Variants in LRMDA observed in about 807,000 individuals in gnomAD.
LRMDA encodes leucine-rich melanocyte differentiation-associated protein.
LRMDA carries 18 observed loss-of-function variants against 29.8 expected under a neutral mutation model. That is an observed-to-expected ratio of 0.60 (90% CI 0.42 to 0.90). The LOEUF (loss-of-function observed/expected upper bound fraction) is 0.90, where lower values mean the gene tolerates loss of function less well. Ranked by LOEUF, LRMDA falls within the 40% of genes least tolerant of loss-of-function variation. The pLI is 0.00. For missense variants in LRMDA, 273 were observed against 273.9 expected, an observed-to-expected ratio of 1.00 and a Z score of 0.02; for synonymous variants, 125 against 109.4, an observed-to-expected ratio of 1.14 and a Z score of -0.89.
chr10:76,442,349 T>A (rs1842312371), intron 6 of LRMDA, among the ~76,000 whole-genome samples: 1 of 152,164 alleles, frequency 6.6e-6, no homozygotes, highest in Non-Finnish European at 1.5e-5. Context: ...CTCACAACCT[T>A]GCTTCTCCTC....
At chr10:76,067,202 C>A (rs1280973746) in intron 5 of LRMDA, among the ~76,000 whole-genome samples, 1 of 152,160 alleles carries the variant, frequency 6.6e-6, no homozygotes, top group Non-Finnish European at 1.5e-5. Context: ...TACCTCAAAG[C>A]CCCTGTCCCT....
In LRMDA at chr10:76,028,724, G is replaced by C. The variant is rs184514724; in HGVS notation, c.132-7284G>C. Among the ~76,000 whole-genome samples the C allele has an allele frequency of 3.9e-5, 6 of 151,948 alleles. No individual in the cohort carries two copies. The East Asian group carries it at 1.2e-3, about 29-fold the overall frequency. On this transcript the variant is annotated intron_variant, in intron 2 of 6. Transcript: ENST00000611255. ...AGTATTCTTCAGGTACATTTTTGAA[G>C]CAGTTATGACTCTACTTCTACCTAA...
intron 6 of LRMDA, among the ~76,000 whole-genome samples, chr10:76,440,210 G>A (rs553577990): frequency 6.6e-6 from 1 of 152,338 alleles, no homozygotes; most frequent in South Asian, 2.1e-4. Flanking sequence ...CCTCTGGAAA[G>A]GTTTGGAACT....
intron 5 of LRMDA, among the ~76,000 whole-genome samples, chr10:76,303,545 C>T (rs779684246): frequency 1.3e-5 from 2 of 152,038 alleles, no homozygotes; most frequent in Admixed American, 1.3e-4. Flanking sequence ...CACACAGGCG[C>T]GCACATGAGG....
chr10:76,009,464 A>G (rs967032860), intron 2 of LRMDA, among the ~76,000 whole-genome samples: 4 of 152,234 alleles, frequency 2.6e-5, no homozygotes, highest in Non-Finnish European at 5.9e-5. Flanking sequence ...GGGCCCCTAA[A>G]AAAGAAGTGT....
intron 6 of LRMDA, among the ~76,000 whole-genome samples, chr10:76,479,659 A>G (rs1176145718): frequency 6.6e-6 from 1 of 151,954 alleles, no homozygotes; most frequent in African/African-American, 2.4e-5. Flanking sequence ...ATTTTTAACT[A>G]GCTTACTAGA....
intron 2 of LRMDA, among the ~76,000 whole-genome samples, chr10:76,002,499 A>G (rs988501508): frequency 2.0e-5 from 3 of 147,254 alleles, no homozygotes; most frequent in Non-Finnish European, 4.5e-5. Flanking sequence ...TTCAGTTCCT[A>G]CATCTGTAAA....
At chr10:75,961,093 C>G (rs547279367) in intron 2 of LRMDA, among the ~76,000 whole-genome samples, 1 of 152,260 alleles carries the variant, frequency 6.6e-6, no homozygotes, top group African/African-American at 2.4e-5. Context: ...TTGTAAATCT[C>G]TGGAACTCTC....
At chr10:75,713,674 A>C (rs770414956) in intron 2 of LRMDA, among the ~76,000 whole-genome samples, 1 of 152,236 alleles carries the variant, frequency 6.6e-6, no homozygotes, top group Non-Finnish European at 1.5e-5. Flanking sequence ...ACATTCAAGA[A>C]ACCTAGAATC....
rs1343606034 is a variant in LRMDA, at chr10:76,490,373, G to A, written c.602-66836G>A. 2.6e-5 allele frequency among the ~76,000 whole-genome samples: 4 copies of A among 151,802 alleles called. No individual in the cohort carries two copies. In the East Asian group the frequency reaches 7.8e-4, roughly 29 times the overall value. On this transcript the variant is annotated intron_variant, in intron 6 of 6. Coordinates refer to ENST00000611255, the MANE Select transcript of LRMDA (RefSeq NM_001305581.2). ...ATCTGTCCAATGATGAAAGTGAGGT[G>A]CTAAAGTCTCCAGCTATTATTGTAT...
intron 2 of LRMDA, among the ~76,000 whole-genome samples, chr10:75,526,813 C>G (rs1845418670): frequency 6.6e-6 from 1 of 150,524 alleles, no homozygotes; most frequent in Non-Finnish European, 1.5e-5. Context: ...GAGCTGTGTT[C>G]ATACCACTGC....
intron 2 of LRMDA, among the ~76,000 whole-genome samples, chr10:75,829,029 A>G (rs1243527054): frequency 1.3e-5 from 2 of 152,202 alleles, no homozygotes; most frequent in Non-Finnish European, 2.9e-5. Context: ...AGCTCTATTT[A>G]GAAAACAAGT....
chr10:76,252,192 A>C (rs901313196), intron 5 of LRMDA, among the ~76,000 whole-genome samples: 9 of 152,200 alleles, frequency 5.9e-5, no homozygotes, highest in African/African-American at 2.2e-4. Context: ...CGGGAGGCCA[A>C]CCGGGAGAAG....
intron 6 of LRMDA, among the ~76,000 whole-genome samples, chr10:76,432,255 A>C (rs1005167963): frequency 2.0e-5 from 3 of 152,076 alleles, no homozygotes; most frequent in African/African-American, 7.2e-5. Flanking sequence ...GTGCTCCTTT[A>C]CTGGCTCTGT....
intron 6 of LRMDA, among the ~76,000 whole-genome samples, chr10:76,427,312 C>G (rs1455558890): frequency 2.0e-5 from 3 of 151,902 alleles, no homozygotes; most frequent in Non-Finnish European, 4.4e-5. Flanking sequence ...TTGAAGAGGT[C>G]CTTCACATCC....
chr10:75,446,492 C>A (rs1296125117), intron 2 of LRMDA, among the ~76,000 whole-genome samples: 1 of 152,240 alleles, frequency 6.6e-6, no homozygotes, highest in Non-Finnish European at 1.5e-5. Flanking sequence ...GTTTGCATAT[C>A]TCAGCGTTCT....
At chr10:76,246,368 A>T (rs1269444622) in intron 5 of LRMDA, among the ~76,000 whole-genome samples, 1 of 152,196 alleles carries the variant, frequency 6.6e-6, no homozygotes, top group East Asian at 1.9e-4. Flanking sequence ...TCATGGTAGG[A>T]CCTTGCAGTA....
At chr10:76,533,545 C>T (rs886997759) in intron 6 of LRMDA, among the ~76,000 whole-genome samples, 5 of 152,122 alleles carry the variant, frequency 3.3e-5, no homozygotes, top group African/African-American at 9.7e-5. Context: ...AAACTCATTG[C>T]TTTAATTAAT....
chr10:76,022,109 A>G (rs1378833671), intron 2 of LRMDA, among the ~76,000 whole-genome samples: 2 of 152,370 alleles, frequency 1.3e-5, no homozygotes, highest in African/African-American at 4.8e-5. Flanking sequence ...GAGATCTTAG[A>G]GACCTTTTAA....
Sources: gnomAD v4.1 joint callset for allele counts (sites outside exome capture counted in the v4.1 genomes callset) on GRCh38, gnomAD v4.1.1 for gene constraint, MANE v1.5 for transcripts, NCBI Gene and HGNC (gene_info 2026-07-23, HGNC 2026-07-21) for gene names.